Variants in DUSP10 observed in about 807,000 individuals in gnomAD.
DUSP10 encodes dual specificity protein phosphatase 10.
Under a neutral mutation model 30.8 loss-of-function variants are expected in DUSP10, and 14 were observed. The ratio of observed to expected loss-of-function variants is 0.46; its 90% confidence interval spans 0.30 to 0.71. The LOEUF is 0.71. Among genes scored for constraint, DUSP10 ranks in the 30% least tolerant of loss-of-function variants. The pLI is 0.08. For missense variants in DUSP10, 550 were observed against 619.4 expected, an observed-to-expected ratio of 0.89 and a Z score of 1.19; for synonymous variants, 254 against 250.4, an observed-to-expected ratio of 1.01 and a Z score of -0.14.
chr1:221,736,837 T>C, intron 2 of DUSP10: 1 of 985,434 alleles, frequency 1.0e-6, no homozygotes. Context: ...CTACAAATAA[T>C]CTAACCTCTA....
At chr1:221,736,621 T>G (rs1288738079) in intron 2 of DUSP10, among the ~76,000 whole-genome samples, 3 of 152,182 alleles carry the variant, frequency 2.0e-5, no homozygotes, top group Non-Finnish European at 4.4e-5. Flanking sequence ...AATCTCTGGT[T>G]TACCAAGTTG....
intron 2 of DUSP10, among the ~76,000 whole-genome samples, chr1:221,722,137 T>C (rs2102635223): frequency 6.6e-6 from 1 of 152,334 alleles, no homozygotes; most frequent in South Asian, 2.1e-4. Flanking sequence ...CACGATCATA[T>C]CATAAGAGCT....
intron 1 of DUSP10, among the ~76,000 whole-genome samples, chr1:221,741,190 A>C (rs561137731): frequency 6.6e-5 from 10 of 152,326 alleles, no homozygotes; most frequent in African/African-American, 2.4e-4. Flanking sequence ...ATGGGAGCGA[A>C]GGAGTCAACC....
intron 2 of DUSP10, among the ~76,000 whole-genome samples, chr1:221,716,339 A>G (rs1339442696): frequency 6.6e-6 from 1 of 152,144 alleles, no homozygotes. Flanking sequence ...AGGTTTCAGT[A>G]AGAACCACCT....
intron 2 of DUSP10, among the ~76,000 whole-genome samples, chr1:221,730,012 A>G (rs1661536195): frequency 6.6e-6 from 1 of 152,132 alleles, no homozygotes; most frequent in African/African-American, 2.4e-5. Context: ...GGGAGCTAGA[A>G]GATATGTTGC....
At chr1:221,735,161 C>G (rs1252025135) in intron 2 of DUSP10, among the ~76,000 whole-genome samples, 1 of 152,236 alleles carries the variant, frequency 6.6e-6, no homozygotes, top group Non-Finnish European at 1.5e-5. Context: ...CCATTTCCCT[C>G]TTCTTCTCAC....
intron 2 of DUSP10, among the ~76,000 whole-genome samples, chr1:221,712,777 C>CAAAA (rs58249338): frequency 0.3 from 16,825 of 56,728 alleles, 3,052 homozygotes; most frequent in South Asian, 0.4. Context: ...TATAAAGCAG[C>CAAAA]AAAAAAAAAA....
At chr1:221,705,034 A>C (rs1660713387) in intron 3 of DUSP10, among the ~76,000 whole-genome samples, 1 of 152,104 alleles carries the variant, frequency 6.6e-6, no homozygotes, top group African/African-American at 2.4e-5. Context: ...TATGGTAATA[A>C]AAGTTGAAGT....
At chr1:221,712,777 CAAAAA>C (rs58249338) in intron 2 of DUSP10, among the ~76,000 whole-genome samples, 7 of 56,950 alleles carry the variant, frequency 1.2e-4, no homozygotes, top group African/African-American at 4.0e-4. Context: ...TATAAAGCAG[CAAAAA>C]AAAAAAAAAA....
Position 221,710,684 on chromosome 1 carries a change from A to C in DUSP10, c.812-4218T>G, listed in dbSNP as rs563165853. ...TGCAAAACATACTTTTAACATAAAG[A>C]AAGCAACAGCTCCCTATTTTTCCTA... On this transcript the variant is annotated intron_variant, in intron 2 of 3. Transcript: ENST00000366899. 4.6e-5 allele frequency among the ~76,000 whole-genome samples: 7 copies of C among 152,366 alleles called. No homozygotes were observed. In the South Asian group the frequency reaches 1.4e-3, roughly 32 times the overall value.
At chr1:221,725,404 G>A (rs1431454835) in intron 2 of DUSP10, among the ~76,000 whole-genome samples, 2 of 152,122 alleles carry the variant, frequency 1.3e-5, no homozygotes, top group African/African-American at 4.8e-5. Flanking sequence ...TTGTAAGAGA[G>A]GGCTTCCTGG....
intron 2 of DUSP10, among the ~76,000 whole-genome samples, chr1:221,727,028 G>A (rs1323814955): frequency 6.6e-6 from 1 of 152,098 alleles, no homozygotes; most frequent in South Asian, 2.1e-4. Flanking sequence ...TGAGAAAAGA[G>A]CCATTACCCT....
chr1:221,726,572 T>C (rs887148984), intron 2 of DUSP10, among the ~76,000 whole-genome samples: 1 of 152,146 alleles, frequency 6.6e-6, no homozygotes, highest in South Asian at 2.1e-4. Flanking sequence ...ATTAGTAATA[T>C]TATGTTTTTC....
At chr1:221,735,003 T>C (rs1415599684) in intron 2 of DUSP10, among the ~76,000 whole-genome samples, 1 of 142,204 alleles carries the variant, frequency 7.0e-6, no homozygotes, top group Non-Finnish European at 1.5e-5. Context: ...AGAACTCTAT[T>C]GCCAATAAGA....
At chr1:221,716,286 G>A (rs1033225225) in intron 2 of DUSP10, among the ~76,000 whole-genome samples, 1 of 152,062 alleles carries the variant, frequency 6.6e-6, no homozygotes, top group African/African-American at 2.4e-5. Context: ...TGCTAGTGCA[G>A]AGAATACCAT....
intron 2 of DUSP10, among the ~76,000 whole-genome samples, chr1:221,726,931 G>A (rs1161193053): frequency 6.6e-6 from 1 of 152,008 alleles, no homozygotes; most frequent in African/African-American, 2.4e-5. Flanking sequence ...TATAATTATG[G>A]TTGATTTTCA....
chr1:221,737,900 T>C (rs774998194), intron 2 of DUSP10, among the ~76,000 whole-genome samples: 2 of 152,208 alleles, frequency 1.3e-5, no homozygotes, highest in Non-Finnish European at 2.9e-5. Context: ...GTCAACACAC[T>C]TTAGGAGACT....
Position 221,702,423 on chromosome 1 carries a change from TCTC to T in DUSP10, c.1435_1437del (p.Glu479del). 1 of 1,613,444 alleles carries T rather than the reference TCTC, an allele frequency of 6.2e-7. No individual in the cohort carries two copies. The highest frequency in any genetic ancestry group is 8.5e-7 in the Non-Finnish European group (1 of 1,179,858). On this transcript the variant is annotated inframe_deletion, in exon 4 of 4. Coordinates refer to ENST00000366899, the MANE Select transcript of DUSP10 (RefSeq NM_007207.6). This position sits in a 1 kb window ranked among gnomAD's most constrained non-coding sequence, Gnocchi z 4.5. ...CATCCAGACCATTGTCACACAACCG[TCTC>T]CACGCCCATCAGCTTTGGTGTAAGG... is the stretch of plus-strand genomic sequence containing the variant.
At chr1:221,728,712 TA>T (rs1303596014) in intron 2 of DUSP10, among the ~76,000 whole-genome samples, 2 of 152,242 alleles carry the variant, frequency 1.3e-5, no homozygotes, top group African/African-American at 4.8e-5. Context: ...ATAATGAATA[TA>T]AAGCATAAAC....
Sources: gnomAD v4.1 joint callset for allele counts (sites outside exome capture counted in the v4.1 genomes callset) on GRCh38, gnomAD v4.1.1 for gene constraint, Gnocchi (gnomAD v3.1) non-coding constraint, MANE v1.5 for transcripts, NCBI Gene and HGNC (gene_info 2026-07-23, HGNC 2026-07-21) for gene names.